GATAD2A: variants seen among roughly 807,000 people sequenced by gnomAD.
GATAD2A encodes the protein transcriptional repressor p66-alpha.
A neutral mutation model predicts 68.5 loss-of-function variants in GATAD2A; 12 were observed. The ratio of observed to expected loss-of-function variants is 0.18; its 90% CI spans 0.11 to 0.28. The LOEUF is 0.28. Among genes scored for constraint, GATAD2A ranks in the 10% least tolerant of loss-of-function variants. The pLI is 1.00. For missense variants in GATAD2A, 755 were observed against 868.5 expected (o/e 0.87, Z 1.64); for synonymous variants, 410 against 375.3 (o/e 1.09, Z -1.07).
intron 1 of GATAD2A, among the ~76,000 whole-genome samples, chr19:19,427,164 G>A (rs2053197049): frequency 6.6e-6 from 1 of 152,004 alleles, no homozygotes; most frequent in African/African-American, 2.4e-5. Flanking sequence ...TATTTAATGG[G>A]GATAGAGTTT....
chr19:19,464,496 C>T (rs1379574361), intron 1 of GATAD2A, among the ~76,000 whole-genome samples: 1 of 152,192 alleles, frequency 6.6e-6, no homozygotes, highest in African/African-American at 2.4e-5. Context: ...TGCTGTCGTC[C>T]TGTCTCCGTG....
intron 1 of GATAD2A, chr19:19,440,316 G>A (rs968874616): frequency 4.8e-6 from 1 of 208,950 alleles, no homozygotes; most frequent in Non-Finnish European, 9.3e-6. Flanking sequence ...TGTCGCCCAG[G>A]CTGGAGTGGA....
chr19:19,420,793 G>A (rs181874451), intron 1 of GATAD2A, among the ~76,000 whole-genome samples: 1 of 152,234 alleles, frequency 6.6e-6, no homozygotes, highest in East Asian at 1.9e-4. Context: ...TATGATGACA[G>A]TCCCTCGTAT....
intron 2 of GATAD2A, among the ~76,000 whole-genome samples, chr19:19,485,529 C>T (rs1243949372): frequency 6.6e-6 from 1 of 152,174 alleles, no homozygotes; most frequent in African/African-American, 2.4e-5. Context: ...GCCTCTGATC[C>T]CGTGGTGGTT....
intron 1 of GATAD2A, among the ~76,000 whole-genome samples, chr19:19,434,691 G>A (rs1393055270): frequency 6.6e-6 from 1 of 152,180 alleles, no homozygotes; most frequent in Non-Finnish European, 1.5e-5. Flanking sequence ...TCAGCCTCTG[G>A]CCCATAGCCC....
At chr19:19,469,842 G>T (rs542336920) in intron 2 of GATAD2A, among the ~76,000 whole-genome samples, 4 of 152,104 alleles carry the variant, frequency 2.6e-5, no homozygotes, top group Non-Finnish European at 5.9e-5. Context: ...AGCTACTTGG[G>T]AGGCTGAGGC....
Position 19,501,135 on chromosome 19 carries a change from G to T in GATAD2A, c.1222G>T (p.Ala408Ser), listed in dbSNP as rs765936748. 6.2e-7 allele frequency: 1 copy of T among 1,608,032 alleles called. No individual in the cohort carries two copies. Among genetic ancestry groups the T allele is most frequent in the South Asian group, 1.1e-5 (1 of 91,018 alleles). The change falls in exon 9 of 12, where the codon GCC (alanine) becomes TCC (serine). Residue 408 changes from alanine (A) to serine (S), a missense_variant. Physicochemically the swap from Ala to Ser is moderately conservative, Grantham distance 99. Transcript: ENST00000683918. ...GCTTGCAGCAGGCAGGATGTCGGCC[G>T]CCACTGTGCTGTCCCGGGAGCCCTA... ...LETQAGRMSA[A>S]TVLSREPYMC...
chr19:19,499,196 T>C (rs537207666), intron 8 of GATAD2A, among the ~76,000 whole-genome samples: 58 of 152,248 alleles, frequency 3.8e-4, no homozygotes, highest in African/African-American at 1.2e-3. Context: ...GAGTGCACTG[T>C]GTCCTGGGGG....
At chr19:19,407,155 C>G (rs999720715) in intron 1 of GATAD2A, among the ~76,000 whole-genome samples, 30 of 152,234 alleles carry the variant, frequency 2.0e-4, no homozygotes, top group Admixed American at 1.8e-3. Flanking sequence ...ACTGAGAGCC[C>G]TCTGTGCGGG....
intron 1 of GATAD2A, among the ~76,000 whole-genome samples, chr19:19,422,005 A>G (rs1056614412): frequency 7.9e-5 from 12 of 151,944 alleles, no homozygotes; most frequent in Non-Finnish European, 1.3e-4. Context: ...TATTTTTGGT[A>G]AAGACTAGGG....
At chr19:19,477,925 C>G (rs147046101) in intron 2 of GATAD2A, among the ~76,000 whole-genome samples, 1 of 152,168 alleles carries the variant, frequency 6.6e-6, no homozygotes, top group Admixed American at 6.5e-5. Flanking sequence ...GGGCGTCGCC[C>G]GCTTTCTGTG....
intron 2 of GATAD2A, among the ~76,000 whole-genome samples, chr19:19,489,390 C>T (rs555715024): frequency 9.2e-5 from 14 of 152,198 alleles, no homozygotes; most frequent in Admixed American, 4.6e-4. Context: ...ATGGTTTTCA[C>T]GTTGGAAGGC....
intron 1 of GATAD2A, among the ~76,000 whole-genome samples, chr19:19,450,878 C>A (rs962938413): frequency 1.3e-5 from 2 of 151,612 alleles, no homozygotes; most frequent in Admixed American, 1.3e-4. Context: ...TCAAGCAATT[C>A]CCCTGCCTCA....
intron 5 of GATAD2A, among the ~76,000 whole-genome samples, chr19:19,495,305 CT>C (rs558067672): frequency 6.7e-6 from 1 of 149,836 alleles, no homozygotes; most frequent in East Asian, 2.0e-4. Flanking sequence ...GCTTTTTTTT[CT>C]TTTTTTCTTT....
At chr19:19,476,031 T>G (rs1473113429) in intron 2 of GATAD2A, among the ~76,000 whole-genome samples, 2 of 152,194 alleles carry the variant, frequency 1.3e-5, no homozygotes, top group Non-Finnish European at 2.9e-5. Context: ...TCCAAGGTGT[T>G]GCCAGCTCCC....
chr19:19,441,030 C>A (rs554946887), intron 1 of GATAD2A, among the ~76,000 whole-genome samples: 18 of 140,110 alleles, frequency 1.3e-4, no homozygotes, highest in Admixed American at 2.2e-4. Flanking sequence ...CCCTTCCTTC[C>A]CTTCCTTCTT....
chr19:19,494,248 A>T, intron 4 of GATAD2A, 46 bp from the exon 5 acceptor site: 1 of 1,092,780 alleles, frequency 9.2e-7, no homozygotes, highest in Non-Finnish European at 1.4e-6. Context: ...GAGGAGAGGG[A>T]CCGGCCCGGT....
At chr19:19,423,974 G>A (rs577048972) in intron 1 of GATAD2A, among the ~76,000 whole-genome samples, 1 of 152,302 alleles carries the variant, frequency 6.6e-6, no homozygotes, top group Non-Finnish European at 1.5e-5. Flanking sequence ...CCTGGCTGGA[G>A]TGTAGTTGCA....
intron 1 of GATAD2A, among the ~76,000 whole-genome samples, chr19:19,427,227 A>T (rs2053203320): frequency 6.6e-6 from 1 of 152,182 alleles, no homozygotes; most frequent in Non-Finnish European, 1.5e-5. Flanking sequence ...GTTGCACAAC[A>T]GTGTGACTGC....
Sources: allele counts gnomAD v4.1 joint callset (sites outside exome capture counted in the v4.1 genomes callset), GRCh38; gene constraint gnomAD v4.1.1; transcripts MANE v1.5; gene names NCBI Gene and HGNC (gene_info 2026-07-23, HGNC 2026-07-21).